The following NRG1 variants were observed in gnomAD, a reference collection of about 807,000 sequenced individuals.
NRG1 encodes neuregulin 1, also known as pro-neuregulin-1, membrane-bound isoform.
A neutral mutation model predicts 63.8 loss-of-function variants in NRG1; 18 were observed. That is an observed-to-expected ratio of 0.28 (90% CI 0.19 to 0.42). The LOEUF (loss-of-function observed/expected upper bound fraction) is 0.42, where lower values mean the gene tolerates loss of function less well. Among genes scored for constraint, NRG1 ranks in the 10% least tolerant of loss-of-function variants. The probability of loss-of-function intolerance (pLI) is 1.00; values close to 1 mark genes in which losing one functional copy is unlikely to be tolerated. For synonymous variants in NRG1, 302 were observed against 301.3 expected, an observed-to-expected ratio of 1.00 and a Z score of -0.02; for missense variants, 762 against 814.7, an observed-to-expected ratio of 0.94 and a Z score of 0.79.
At chr8:32,169,083 C>T (rs1053013082) in intron 1 of NRG1, among the ~76,000 whole-genome samples, 5 of 152,064 alleles carry the variant, frequency 3.3e-5, no homozygotes, top group East Asian at 1.9e-4. Flanking sequence ...CCTTAGGAAA[C>T]GAAAATAATT....
At chr8:32,466,371 C>CAAAAAAAA (rs35722571) in intron 1 of NRG1, among the ~76,000 whole-genome samples, 19 of 125,128 alleles carry the variant, frequency 1.5e-4, no homozygotes, top group African/African-American at 5.0e-4. Flanking sequence ...ACCTTGACAT[C>CAAAAAAAA]AAAAAAAAAA....
intron 1 of NRG1, among the ~76,000 whole-genome samples, chr8:32,382,713 C>A (rs1810505553): frequency 6.6e-6 from 1 of 152,042 alleles, no homozygotes; most frequent in South Asian, 2.1e-4. Context: ...TATCAGTAAA[C>A]CAGTGGAGCT....
intron 1 of NRG1, among the ~76,000 whole-genome samples, chr8:32,021,974 G>A (rs1337273891): frequency 6.6e-6 from 1 of 152,270 alleles, no homozygotes; most frequent in South Asian, 2.1e-4. Flanking sequence ...GCTCTCAGAG[G>A]CAGAAGTGGT....
chr8:32,212,363 T>G (rs569257119), intron 1 of NRG1, among the ~76,000 whole-genome samples: 1 of 152,328 alleles, frequency 6.6e-6, no homozygotes, highest in Admixed American at 6.5e-5. Flanking sequence ...ACCTGGGATC[T>G]GTTTCTGGTT....
At chr8:31,983,744 A>C (rs1809574205) in intron 1 of NRG1, among the ~76,000 whole-genome samples, 1 of 152,038 alleles carries the variant, frequency 6.6e-6, no homozygotes, top group Non-Finnish European at 1.5e-5. Context: ...ATGATAGAGC[A>C]GTATCAGAGG....
At chr8:31,907,734 C>G (rs757023484) in intron 1 of NRG1, among the ~76,000 whole-genome samples, 1 of 152,132 alleles carries the variant, frequency 6.6e-6, no homozygotes, top group East Asian at 1.9e-4. Context: ...TAGGGTGATA[C>G]GAAAATTATT....
intron 1 of NRG1, among the ~76,000 whole-genome samples, chr8:32,308,777 G>A (rs1388972852): frequency 3.3e-5 from 5 of 152,162 alleles, no homozygotes; most frequent in African/African-American, 4.8e-5. Flanking sequence ...TTAAAAAAGG[G>A]GGAAAATTGG....
intron 7 of NRG1, among the ~76,000 whole-genome samples, chr8:32,747,689 T>A (rs1311887467): frequency 1.3e-5 from 2 of 150,094 alleles, no homozygotes; most frequent in African/African-American, 4.9e-5. Flanking sequence ...TGTTATGCAA[T>A]GTACTTTTTG....
intron 5 of NRG1, among the ~76,000 whole-genome samples, chr8:32,639,780 A>G (rs992182342): frequency 6.6e-6 from 1 of 152,242 alleles, no homozygotes; most frequent in Non-Finnish European, 1.5e-5. Context: ...CAAGCAACTG[A>G]ACTTTAAAAC....
At chr8:32,199,475 C>A (rs929762531) in intron 1 of NRG1, among the ~76,000 whole-genome samples, 1 of 152,146 alleles carries the variant, frequency 6.6e-6, no homozygotes, top group Admixed American at 6.5e-5. Context: ...CCTTTACTCT[C>A]CATTTAGAAT....
intron 1 of NRG1, among the ~76,000 whole-genome samples, chr8:32,325,727 C>A (rs1047238682): frequency 3.3e-5 from 5 of 152,088 alleles, no homozygotes; most frequent in Admixed American, 1.3e-4. Flanking sequence ...CCTCAAAAAG[C>A]AAGCTTTAAA....
intron 1 of NRG1, among the ~76,000 whole-genome samples, chr8:31,787,453 C>T (rs1038398598): frequency 6.6e-5 from 10 of 152,134 alleles, no homozygotes; most frequent in Admixed American, 1.3e-4. Context: ...GCAAATACCA[C>T]ACAACTGAAG....
chr8:31,726,375 G>A (rs1813442015), intron 1 of NRG1, among the ~76,000 whole-genome samples: 1 of 152,166 alleles, frequency 6.6e-6, no homozygotes, highest in Admixed American at 6.6e-5. Flanking sequence ...AGACCTTGAA[G>A]TTCAATGAGA....
intron 11 of NRG1, 22 bp downstream of exon 11, chr8:32,760,428 A>G (rs1337332771): frequency 3.1e-6 from 5 of 1,612,136 alleles, no homozygotes; most frequent in Non-Finnish European, 4.2e-6. Context: ...GGGCAAAGCT[A>G]CTGCAGAGGA....
rs952752816 is a variant in NRG1 at position 32,021,335 on chromosome 8, A to T, written c.37+381904A>T. Among the ~76,000 whole-genome samples the T allele has an allele frequency of 2.0e-5, 3 of 152,344 alleles. No homozygotes were observed. The East Asian group carries it at 5.8e-4, about 29-fold the overall frequency. ...ATCATAACATGACAGAGAAGGTCAA[A>T]GAGGATGCAGACATGTGTGAAGAGG... On this transcript the variant is annotated intron_variant, in intron 1 of 10. Coordinates refer to the NRG1 transcript ENST00000519301.
chr8:31,861,637 T>A lies in NRG1; in HGVS notation c.37+222206T>A, dbSNP rs563630393. ...ATGAATCTGAAGATGTGATGAAAGA[T>A]AGTAGGCACAGGCAAAGCCTAGCTT... On this transcript the variant is annotated intron_variant, in intron 1 of 10. Transcript: ENST00000519301. Among the ~76,000 whole-genome samples the A allele has an allele frequency of 2.6e-5, 4 of 152,286 alleles. No homozygotes were observed. In the East Asian group the frequency reaches 7.7e-4, roughly 29 times the overall value.
intron 1 of NRG1, among the ~76,000 whole-genome samples, chr8:31,965,526 T>A (rs554840621): frequency 1.3e-5 from 2 of 152,270 alleles, no homozygotes; most frequent in African/African-American, 4.8e-5. Context: ...CCCAGCCAGA[T>A]GTCTTTTTTA....
intron 1 of NRG1, among the ~76,000 whole-genome samples, chr8:32,327,849 G>A (rs564899049): frequency 2.0e-4 from 31 of 152,268 alleles, no homozygotes; most frequent in South Asian, 1.5e-3. Flanking sequence ...CCAGATGAAT[G>A]TGTCAATAAT....
chr8:32,336,950 T>G (rs1295356305), intron 1 of NRG1, among the ~76,000 whole-genome samples: 1 of 152,110 alleles, frequency 6.6e-6, no homozygotes, highest in Non-Finnish European at 1.5e-5. Flanking sequence ...GGAAGCCATT[T>G]GAGGGATTTC....
Sources: gnomAD v4.1 joint callset for allele counts (sites outside exome capture counted in the v4.1 genomes callset) on GRCh38, gnomAD v4.1.1 for gene constraint, MANE v1.5 for transcripts, NCBI Gene and HGNC (gene_info 2026-07-23, HGNC 2026-07-21) for gene names.